ANK3: variants seen among roughly 807,000 people sequenced by gnomAD.
ANK3 encodes ankyrin 3.
Under a neutral mutation model 370.9 loss-of-function variants are expected in ANK3, and 57 were observed. That is an observed-to-expected ratio of 0.15 (90% CI 0.12 to 0.19). ANK3 has a LOEUF of 0.19. Among genes scored for constraint, ANK3 ranks in the 10% least tolerant of loss-of-function variants. The pLI, the probability that ANK3 is intolerant of heterozygous loss-of-function variation, is 1.00. For missense variants in ANK3, 4,439 were observed against 5,302.1 expected (o/e 0.84, Z 5.06); for synonymous variants, 1,929 against 1,946.3 (o/e 0.99, Z 0.23).
At chr10:60,227,802 T>C (rs2097185874) in intron 8 of ANK3, among the ~76,000 whole-genome samples, 1 of 152,174 alleles carries the variant, frequency 6.6e-6, no homozygotes, top group Admixed American at 6.5e-5. Flanking sequence ...GTTTCTCCTA[T>C]AGCTTAACAT....
intron 1 of ANK3, among the ~76,000 whole-genome samples, chr10:60,700,581 G>A (rs1227533494): frequency 6.6e-6 from 1 of 152,132 alleles, no homozygotes; most frequent in Admixed American, 6.5e-5. Context: ...ATATTATCAA[G>A]TCTCTAATAT....
chr10:60,161,832 CTATAGTTAACAATAATT>C (rs202025329), intron 23 of ANK3, among the ~76,000 whole-genome samples: 4,031 of 151,924 alleles, frequency 0.027, 164 homozygotes, highest in African/African-American at 0.092. Context: ...AATAGGGCAA[CTATAGTTAACAATAATT>C]TATAGTTAAC....
At chr10:60,096,857 G>C (rs1386320841) in intron 28 of ANK3, among the ~76,000 whole-genome samples, 1 of 152,156 alleles carries the variant, frequency 6.6e-6, no homozygotes, top group Non-Finnish European at 1.5e-5. Flanking sequence ...GAGAAAAATG[G>C]CATAAGTTGC....
intron 1 of ANK3, among the ~76,000 whole-genome samples, chr10:60,316,872 C>T (rs1366620412): frequency 1.3e-5 from 2 of 152,014 alleles, no homozygotes; most frequent in African/African-American, 2.4e-5. Context: ...CTCAGCCTCC[C>T]GAGTAGCTGG....
chr10:60,729,691 G>T (rs1349706772), intron 1 of ANK3, among the ~76,000 whole-genome samples: 1 of 152,046 alleles, frequency 6.6e-6, no homozygotes, highest in Non-Finnish European at 1.5e-5. Flanking sequence ...TTTAGCCTCA[G>T]GTTATTAATA....
chr10:60,687,535 A>ACAC (rs1554809512), intron 1 of ANK3, among the ~76,000 whole-genome samples: 4,488 of 150,784 alleles, frequency 0.03, 98 homozygotes, highest in African/African-American at 0.048. Flanking sequence ...TATAAAAAAA[A>ACAC]ACACACACAC....
Position 60,074,916 on chromosome 10 carries a change from A to C in ANK3, c.5965T>G (p.Trp1989Gly). The C allele has an allele frequency of 6.2e-7, 1 of 1,614,038 alleles. No homozygotes were observed. Among genetic ancestry groups the C allele is most frequent in the Non-Finnish European group, 8.5e-7 (1 of 1,179,982 alleles). The change falls in exon 37 of 44, where the codon TGG (tryptophan) becomes GGG (glycine). Residue 1989 changes from tryptophan to glycine, a missense_variant. Around this residue, in one of 13 missense-constraint regions of ANK3, gnomAD observed 679 missense variants for 791.0 expected, o/e 0.86. Coordinates refer to ENST00000280772, the MANE Select transcript of ANK3 (RefSeq NM_020987.5). ...ATTTCTTCCGAACTAAATTCTATCC[A>C]GTCATCTTCAGGAGAGTGTCCTTTG... Reference protein sequence around the residue: ...SDKGHSPEDDWIEFSSEEIRE... With the variant: ...SDKGHSPEDDGIEFSSEEIRE...
intron 1 of ANK3, among the ~76,000 whole-genome samples, chr10:60,385,824 C>A (rs1594871095): frequency 6.6e-6 from 1 of 152,072 alleles, no homozygotes; most frequent in East Asian, 1.9e-4. Flanking sequence ...TTTGACAGGA[C>A]TTGGTAAATA....
intron 2 of ANK3, among the ~76,000 whole-genome samples, chr10:60,481,968 G>A (rs182804945): frequency 4.6e-4 from 70 of 152,248 alleles, no homozygotes; most frequent in Non-Finnish European, 1.8e-4. Flanking sequence ...GTCCAGAAGC[G>A]TCAGTGGAGA....
intron 30 of ANK3, 185 bp downstream of exon 30, chr10:60,086,492 T>C (rs2086708984): frequency 2.0e-6 from 1 of 506,270 alleles, no homozygotes; most frequent in Admixed American, 3.8e-5. Flanking sequence ...GACCAGGATC[T>C]TCCCAAGAAA....
intron 2 of ANK3, among the ~76,000 whole-genome samples, chr10:60,535,064 G>A (rs1008079522): frequency 7.2e-5 from 11 of 152,110 alleles, no homozygotes; most frequent in Non-Finnish European, 2.9e-5. Flanking sequence ...TACGGCTCCA[G>A]AACTCCTAGC....
At chr10:60,581,539 C>T (rs2077753047) in intron 2 of ANK3, among the ~76,000 whole-genome samples, 2 of 151,686 alleles carry the variant, frequency 1.3e-5, no homozygotes, top group African/African-American at 4.9e-5. Context: ...ATTCTCCTGC[C>T]TCAGCCTCCT....
chr10:60,353,017 T>A (rs2057137463), intron 1 of ANK3, among the ~76,000 whole-genome samples: 1 of 152,126 alleles, frequency 6.6e-6, no homozygotes, highest in Admixed American at 6.5e-5. Context: ...AGGGTCTCAC[T>A]CTGTCACCCC....
chr10:60,138,942 A>G (rs200278964), intron 24 of ANK3, 22 bp downstream of exon 24: 4 of 1,611,130 alleles, frequency 2.5e-6, no homozygotes, highest in Non-Finnish European at 3.4e-6. Context: ...ATTAACTATG[A>G]AAGACAGCAA....
At chr10:60,150,859 A>C (rs1340657507) in intron 23 of ANK3, among the ~76,000 whole-genome samples, 1 of 152,102 alleles carries the variant, frequency 6.6e-6, no homozygotes, top group African/African-American at 2.4e-5. Flanking sequence ...TATATATATA[A>C]ATTATCCAGT....
At chr10:60,109,354 G>A (rs2092498243) in intron 26 of ANK3, among the ~76,000 whole-genome samples, 2 of 152,068 alleles carry the variant, frequency 1.3e-5, no homozygotes, top group Admixed American at 1.3e-4. Flanking sequence ...AGTAAAATCG[G>A]TCTAGTAACA....
At chr10:60,192,182 G>T (rs761090546) in intron 16 of ANK3, among the ~76,000 whole-genome samples, 4 of 151,952 alleles carry the variant, frequency 2.6e-5, no homozygotes, top group Admixed American at 1.3e-4. Context: ...GTGAGCCACC[G>T]CACCCGGCCT....
At chr10:60,207,592 T>C (rs2096784684) in intron 10 of ANK3, among the ~76,000 whole-genome samples, 2 of 152,186 alleles carry the variant, frequency 1.3e-5, no homozygotes, top group African/African-American at 4.8e-5. Context: ...TTACAGGCAA[T>C]ATTTCATTAA....
chr10:60,068,002 C>T lies in ANK3; in HGVS notation c.12252G>A (p.Gln4084=), dbSNP rs1315972430. Residue 4084 remains glutamine, a synonymous_variant, in exon 38 of 44, where the codon CAG becomes CAA. Coordinates refer to ENST00000280772, the MANE Select transcript of ANK3 (RefSeq NM_020987.5). ...EKRSSRRTGP[Q]SPCERTDIRM... ...TGATATCTGTCCGTTCACATGGACT[C>T]TGTGGACCTACGATTTACAATTTCT... The T allele has an allele frequency of 1.2e-6, 2 of 1,606,454 alleles. No homozygotes were observed. The highest frequency in any genetic ancestry group is 1.7e-5 in the Admixed American group (1 of 59,884).
Sources: gnomAD v4.1 joint callset for allele counts (sites outside exome capture counted in the v4.1 genomes callset) on GRCh38, gnomAD v4.1.1 for gene constraint, gnomAD v4.1.1 regional missense constraint, MANE v1.5 for transcripts, NCBI Gene and HGNC (gene_info 2026-07-23, HGNC 2026-07-21) for gene names.